FILIP1L: variants seen among roughly 807,000 people sequenced by gnomAD.
FILIP1L encodes the protein filamin A interacting protein 1 like, also known as filamin A-interacting protein 1-like.
FILIP1L carries 55 observed loss-of-function variants against 96.6 expected under a neutral mutation model. The observed-to-expected ratio is 0.57, with a 90% CI of 0.46 to 0.71. The LOEUF (loss-of-function observed/expected upper bound fraction) is 0.71. Ranked by LOEUF, FILIP1L falls within the 30% of genes least tolerant of loss-of-function variation. The pLI is 0.00. For synonymous variants in FILIP1L, 467 were observed against 473.9 expected (o/e 0.99, Z 0.19); for missense variants, 1,304 against 1,321.2 (o/e 0.99, Z 0.20).
chr3:99,907,237 C>T (rs1219112821), intron 4 of FILIP1L, among the ~76,000 whole-genome samples: 2 of 151,820 alleles, frequency 1.3e-5, no homozygotes, highest in Non-Finnish European at 2.9e-5. Context: ...CTACCTATTA[C>T]CCTTTTAATT....
At chr3:100,061,877 T>C (rs2065572396) in intron 1 of FILIP1L, among the ~76,000 whole-genome samples, 1 of 152,128 alleles carries the variant, frequency 6.6e-6, no homozygotes, top group Admixed American at 6.5e-5. Flanking sequence ...TTTATTGTGG[T>C]AAAATATATA....
At chr3:99,861,895 C>T (rs572812044) in intron 4 of FILIP1L, among the ~76,000 whole-genome samples, 2 of 152,210 alleles carry the variant, frequency 1.3e-5, no homozygotes, top group South Asian at 4.2e-4. Context: ...ATTTAACCTC[C>T]CTACAAGTCT....
At chr3:100,066,185 T>A (rs1316371096) in intron 1 of FILIP1L, among the ~76,000 whole-genome samples, 1 of 152,208 alleles carries the variant, frequency 6.6e-6, no homozygotes, top group East Asian at 1.9e-4. Context: ...CTGACAGCAG[T>A]ATAATGATTT....
chr3:99,876,090 G>T, intron 4 of FILIP1L: 2 of 986,384 alleles, frequency 2.0e-6, no homozygotes, highest in South Asian at 9.3e-5. Context: ...CCTGCGCCGG[G>T]GCCGGGCGGG....
chr3:99,942,071 G>T (rs1707866874), intron 1 of FILIP1L, among the ~76,000 whole-genome samples: 1 of 152,066 alleles, frequency 6.6e-6, no homozygotes, highest in South Asian at 2.1e-4. Flanking sequence ...AAAAAAATTA[G>T]TGGGGCATGG....
At chr3:99,984,809 A>G (rs746990322) in intron 1 of FILIP1L, among the ~76,000 whole-genome samples, 4 of 152,238 alleles carry the variant, frequency 2.6e-5, no homozygotes, top group Non-Finnish European at 5.9e-5. Flanking sequence ...CAAGGATCAT[A>G]TTCAGCTAAT....
At chr3:99,897,414 A>G (rs898950120) in intron 4 of FILIP1L, among the ~76,000 whole-genome samples, 7 of 152,154 alleles carry the variant, frequency 4.6e-5, no homozygotes, top group Non-Finnish European at 8.8e-5. Context: ...CTTTGACAGT[A>G]AATACAGCTC....
chr3:99,983,460 G>GTGTATATATATATATATATATATATATA (rs1348562068), intron 1 of FILIP1L, among the ~76,000 whole-genome samples: 3 of 69,492 alleles, frequency 4.3e-5, no homozygotes. Context: ...ATATATATAT[G>GTGTATATATATATATATATATATATATA]TGTGTATATA....
rs548328220 is a variant in FILIP1L, at chr3:99,884,024, C to G, written c.606-32954G>C. Among the ~76,000 whole-genome samples the G allele has an allele frequency of 7.2e-5, 11 of 152,260 alleles. 2 individuals are homozygous for G. The South Asian group carries it at 1.5e-3, about 20-fold the overall frequency. On this transcript the variant is annotated intron_variant, in intron 4 of 5. Transcript: ENST00000477258. ...TTACAGAACTTTGTACTTCTCTCATCTGCTATTTAGTTCATTGGACTTGAA... is the reference window on the plus strand; with the variant it reads ...TTACAGAACTTTGTACTTCTCTCATGTGCTATTTAGTTCATTGGACTTGAA...
intron 5 of FILIP1L, among the ~76,000 whole-genome samples, chr3:99,843,903 T>A (rs1199783321): frequency 6.6e-6 from 1 of 152,216 alleles, no homozygotes; most frequent in Non-Finnish European, 1.5e-5. Flanking sequence ...GAACTGCACA[T>A]GCGAGGGGTC....
chr3:100,038,109 C>T (rs1373128375), intron 1 of FILIP1L, among the ~76,000 whole-genome samples: 8 of 151,928 alleles, frequency 5.3e-5, no homozygotes, highest in Admixed American at 2.0e-4. Flanking sequence ...GCACCTGCCA[C>T]CATGTCCAGC....
chr3:99,970,984 G>A (rs1708796618), intron 1 of FILIP1L, among the ~76,000 whole-genome samples: 1 of 152,208 alleles, frequency 6.6e-6, no homozygotes, highest in South Asian at 2.1e-4. Context: ...TGATTGAAGA[G>A]GAGGGGCTGT....
At chr3:99,862,091 CA>C (rs554691597) in intron 4 of FILIP1L, among the ~76,000 whole-genome samples, 309 of 152,008 alleles carry the variant, frequency 2.0e-3, no homozygotes, top group African/African-American at 7.0e-3. Context: ...GTTCTCACCA[CA>C]AAAAAATGAT....
intron 4 of FILIP1L, among the ~76,000 whole-genome samples, chr3:99,920,113 C>T (rs1448946849): frequency 6.6e-6 from 1 of 152,176 alleles, no homozygotes; most frequent in Non-Finnish European, 1.5e-5. Flanking sequence ...GTTGAAGCCA[C>T]AGTTTTATAC....
chr3:100,077,884 G>A (rs1486514071), intron 1 of FILIP1L, among the ~76,000 whole-genome samples: 1 of 151,816 alleles, frequency 6.6e-6, no homozygotes, highest in Non-Finnish European at 1.5e-5. Context: ...CTCCAACCTG[G>A]GTGACAGAAT....
At chr3:100,076,764 C>T (rs1438168827) in intron 1 of FILIP1L, among the ~76,000 whole-genome samples, 2 of 152,192 alleles carry the variant, frequency 1.3e-5, no homozygotes, top group African/African-American at 2.4e-5. Flanking sequence ...ATTAATGTAA[C>T]GTCTTCTCAG....
At position 100,095,469 on chromosome 3, in the gene FILIP1L, A is replaced by G. The variant is rs184221263; in HGVS notation, c.-11+18584T>C. Reference sequence around the variant, plus strand: ...AATAATACATATTTAAAAACAATATACTACAGTGAACTTAATTTTGACAGT... The same window carrying G: ...AATAATACATATTTAAAAACAATATGCTACAGTGAACTTAATTTTGACAGT... On this transcript the variant is annotated intron_variant, in intron 1 of 5. Coordinates refer to ENST00000477258, the MANE Select transcript of FILIP1L (RefSeq NM_001387850.1). Among the ~76,000 whole-genome samples, 164 of 152,330 alleles carry G rather than the reference A, an allele frequency of 1.1e-3. 1 individual carries two copies. Among genetic ancestry groups the G allele is most frequent in the Admixed American group, 8.0e-3 (122 of 15,292 alleles).
chr3:99,983,424 G>A (rs9879645), intron 1 of FILIP1L, among the ~76,000 whole-genome samples: 739 of 53,914 alleles, frequency 0.014, 19 homozygotes, highest in African/African-American at 0.047. Context: ...ATATATGTAT[G>A]TATGTATGTA....
rs543208155 is a variant in FILIP1L, at chr3:99,971,112, C to T, written c.-10-40082G>A. Among the ~76,000 whole-genome samples, 45 of 152,136 alleles carry T rather than the reference C, an allele frequency of 3.0e-4. No individual in the cohort carries two copies. In the South Asian group the frequency reaches 3.7e-3, roughly 13 times the overall value. On this transcript the variant is annotated intron_variant, in intron 1 of 5. Coordinates refer to ENST00000477258, the MANE Select transcript of FILIP1L (RefSeq NM_001387850.1). Reference sequence around the variant, plus strand: ...CAGCACTTTGGGAGGCCAAGGCGGGCGGATCACTAGGTCAGGAGATCGAGA... The same window carrying T: ...CAGCACTTTGGGAGGCCAAGGCGGGTGGATCACTAGGTCAGGAGATCGAGA...
Sources: gnomAD v4.1 joint callset for allele counts (sites outside exome capture counted in the v4.1 genomes callset) on GRCh38, gnomAD v4.1.1 for gene constraint, MANE v1.5 for transcripts, NCBI Gene and HGNC (gene_info 2026-07-23, HGNC 2026-07-21) for gene names.